CTXN2: variants seen among roughly 807,000 people sequenced by gnomAD.
CTXN2 encodes the protein cortexin-2.
A neutral mutation model predicts 5.7 loss-of-function variants in CTXN2; 3 were observed. That is an observed-to-expected ratio of 0.53 (90% CI 0.24 to 1.36). CTXN2 has a LOEUF of 1.36. Ranked by LOEUF, CTXN2 falls within the 40% of genes most tolerant of loss-of-function variation. The pLI, the probability that CTXN2 is intolerant of heterozygous loss-of-function variation, is 0.17. For synonymous variants in CTXN2, 38 were observed against 36.4 expected (o/e 1.04, Z -0.16); for missense variants, 87 against 93.0 (o/e 0.94, Z 0.26).
chr15:48,193,163 T>G (rs2140979675), intron 1 of CTXN2, among the ~76,000 whole-genome samples: 1 of 152,278 alleles, frequency 6.6e-6, no homozygotes, highest in South Asian at 2.1e-4. Flanking sequence ...TGGCCCAATC[T>G]TATGACTCAT....
upstream of CTXN2, chr15:48,190,057 C>CCTCG (rs2040799175): frequency 6.6e-6 from 1 of 152,302 alleles, no homozygotes. Flanking sequence ...GATCCTCCTA[C>CCTCG]CTCGGCCTCC....
intron 1 of CTXN2, among the ~76,000 whole-genome samples, chr15:48,179,416 CATACACACACACACATACACAA>C (rs1380579197): frequency 6.7e-6 from 1 of 150,064 alleles, no homozygotes; most frequent in Non-Finnish European, 1.5e-5. Context: ...CACACACACA[CATACACACACACACATACACAA>C]ACACACACAC....
At chr15:48,184,040 A>G (rs2040725375) in intron 1 of CTXN2, among the ~76,000 whole-genome samples, 1 of 152,216 alleles carries the variant, frequency 6.6e-6, no homozygotes, top group Non-Finnish European at 1.5e-5. Flanking sequence ...CTAAAAAATT[A>G]TTACAATTAA....
chr15:48,191,671 C>G lies in CTXN2; in HGVS notation c.-240C>G, dbSNP rs768377938. On this transcript the variant is annotated 5_prime_UTR_variant, in exon 1 of 2. Transcript: ENST00000417307. ...GCGGGCGCCCACGTCCTCTGTCTCA[C>G]CAACAGACACAGACATTTACACTTC... is the stretch of plus-strand genomic sequence containing the variant. 8 of 455,100 alleles carry G rather than the reference C, an allele frequency of 1.8e-5. No individual in the cohort carries two copies. Among genetic ancestry groups the G allele is most frequent in the Non-Finnish European group, 3.5e-5 (8 of 226,238 alleles). The allele number at this position is 455,100 out of a possible 1,614,324, so 28.2% of individuals were successfully genotyped here.
rs1303828130 is a variant in CTXN2, at chr15:48,201,279, C to T, written c.-22C>T. On this transcript the variant is annotated 5_prime_UTR_variant, in exon 2 of 2. Coordinates refer to ENST00000417307, the MANE Select transcript of CTXN2 (RefSeq NM_001145668.2). ...GATTCCAGAAGGAACTGTGAAGAGC[C>T]ACAACAATGTGCCAGTGAATAATGA... 1.3e-6 allele frequency: 2 copies of T among 1,549,842 alleles called. No homozygotes were observed.
In CTXN2 at chr15:48,195,354, T is replaced by C. The variant is rs978837236; in HGVS notation, c.-58+3501T>C. On this transcript the variant is annotated intron_variant, in intron 1 of 1. Transcript: ENST00000417307. ...GTGGAGACCCTCATTGCTTCTCACC[T>C]GAACCATTTCTTTCCCGTGATGCTC... Among the ~76,000 whole-genome samples, 5 of 152,082 alleles carry C rather than the reference T, an allele frequency of 3.3e-5. 1 individual carries two copies. The South Asian group carries it at 6.2e-4, about 19-fold the overall frequency.
chr15:48,184,930 G>T lies in CTXN2; in HGVS notation c.-454-6527G>T, dbSNP rs111345894. Reference sequence around the variant, plus strand: ...CAACAGATATATAGATAAATAAACTGTGGCATATCCATACAATGAAATATT... The same window carrying T: ...CAACAGATATATAGATAAATAAACTTTGGCATATCCATACAATGAAATATT... On this transcript the variant is annotated intron_variant, in intron 1 of 2. Transcript: ENST00000644354. 1.2e-3 allele frequency among the ~76,000 whole-genome samples: 177 copies of T among 152,190 alleles called. 1 individual carries two copies. Among genetic ancestry groups the T allele is most frequent in the African/African-American group, 4.1e-3 (172 of 41,550 alleles).
chr15:48,196,595 G>A (rs562979092), intron 1 of CTXN2, among the ~76,000 whole-genome samples: 7 of 152,114 alleles, frequency 4.6e-5, no homozygotes, highest in African/African-American at 1.7e-4. Flanking sequence ...GATATCATGG[G>A]AGACTGTTAA....
At chr15:48,194,694 C>T (rs1172404630) in intron 1 of CTXN2, among the ~76,000 whole-genome samples, 2 of 152,108 alleles carry the variant, frequency 1.3e-5, no homozygotes, top group Non-Finnish European at 2.9e-5. Context: ...CCTTGGAGTT[C>T]CTTGCTAGGC....
At chr15:48,201,217 C>CGG in intron 1 of CTXN2, 27 bp from the exon 2 acceptor site, 1 of 1,455,868 alleles carries the variant, frequency 6.9e-7, no homozygotes, top group South Asian at 1.3e-5. Flanking sequence ...AAGGGTAAAA[C>CGG]TAAACTGAGT....
intron 1 of CTXN2, among the ~76,000 whole-genome samples, chr15:48,197,373 C>T (rs766117196): frequency 6.6e-6 from 1 of 152,012 alleles, no homozygotes; most frequent in East Asian, 1.9e-4. Flanking sequence ...ACTTAACGTG[C>T]TTTGCTTTCT....
rs188833868 is a variant in CTXN2, at chr15:48,201,423, G to A, written c.123G>A (p.Leu41=). The A allele has an allele frequency of 1.4e-4, 213 of 1,551,366 alleles. No homozygotes were observed. In the East Asian group the frequency reaches 4.7e-3, roughly 34 times the overall value. Reference sequence around the variant, plus strand: ...TTGTTGGGATTTTGTGTATCTTCTTGGGACTTCTTATTATCCGATGCTTCA... The same window carrying A: ...TTGTTGGGATTTTGTGTATCTTCTTAGGACTTCTTATTATCCGATGCTTCA... ...FAFVGILCIF[L]GLLIIRCFKI... The change falls in exon 2 of 2, where the codon TTG becomes TTA. Residue 41 remains leucine, a synonymous_variant. Transcript: ENST00000417307.
At chr15:48,196,962 T>TA (rs1312105163) in intron 1 of CTXN2, among the ~76,000 whole-genome samples, 1 of 151,990 alleles carries the variant, frequency 6.6e-6, no homozygotes, top group East Asian at 1.9e-4. Flanking sequence ...TTTAACTCAT[T>TA]TAATGTAGCT....
intron 1 of CTXN2, among the ~76,000 whole-genome samples, chr15:48,183,794 G>T (rs1302640112): frequency 6.6e-6 from 1 of 152,198 alleles, no homozygotes; most frequent in Non-Finnish European, 1.5e-5. Flanking sequence ...CTGCATGGTA[G>T]TACGGTCAGT....
chr15:48,182,740 G>A (rs2040710310), intron 1 of CTXN2, among the ~76,000 whole-genome samples: 1 of 152,198 alleles, frequency 6.6e-6, no homozygotes, highest in South Asian at 2.1e-4. Flanking sequence ...AAACACTATA[G>A]ATGTTTCCTC....
At chr15:48,189,288 T>C (rs1216187380), upstream of CTXN2, 1 of 152,204 alleles carries the variant, frequency 6.6e-6, no homozygotes, top group Admixed American at 6.5e-5. Context: ...ACACAAATGA[T>C]CTATGAAACA....
chr15:48,197,739 A>G (rs2140986367), intron 1 of CTXN2, among the ~76,000 whole-genome samples: 1 of 152,264 alleles, frequency 6.6e-6, no homozygotes, highest in Non-Finnish European at 1.5e-5. Context: ...ATAGAGACAC[A>G]GAGTGCTTAT....
chr15:48,195,017 T>C (rs551718882), intron 1 of CTXN2, among the ~76,000 whole-genome samples: 1 of 152,178 alleles, frequency 6.6e-6, no homozygotes, highest in African/African-American at 2.4e-5. Context: ...AAAAATTTTA[T>C]GCTAGACAAA....
chr15:48,197,435 TATAGAG>T (rs1032732621), intron 1 of CTXN2, among the ~76,000 whole-genome samples: 6 of 152,024 alleles, frequency 3.9e-5, no homozygotes, highest in African/African-American at 1.4e-4. Flanking sequence ...GATATGGATA[TATAGAG>T]ATAGATATTT....
Sources: gnomAD v4.1 joint callset for allele counts (sites outside exome capture counted in the v4.1 genomes callset) on GRCh38, gnomAD v4.1.1 for gene constraint, MANE v1.5 for transcripts, NCBI Gene and HGNC (gene_info 2026-07-23, HGNC 2026-07-21) for gene names.